MAST4: variants seen among roughly 807,000 people sequenced by gnomAD.
The protein encoded by MAST4 is microtubule associated serine/threonine kinase family member 4.
In MAST4, 89 loss-of-function variants were observed where a neutral mutation model predicts 162.7. That is an observed-to-expected ratio of 0.55 (90% confidence interval 0.46 to 0.65). The LOEUF is 0.65. MAST4 is among the 30% of genes least tolerant of loss of function. The pLI is 0.00. For missense variants in MAST4, 3,153 were observed against 3,374.0 expected, an observed-to-expected ratio of 0.93 and a Z score of 1.62; for synonymous variants, 1,479 against 1,361.1, an observed-to-expected ratio of 1.09 and a Z score of -1.91.
At position 66,951,832 on chromosome 5, in the gene MAST4, A is replaced by G. The variant is rs113543866; in HGVS notation, c.674+51850A>G. ...CTTGTTGGCACTTTCTATGTTATCA[A>G]ACATATCAGATAACCTGTAAGTTTT... is the stretch of plus-strand genomic sequence containing the variant. On this transcript the variant is annotated intron_variant, in intron 4 of 28. Transcript: ENST00000403625. Among the ~76,000 whole-genome samples the G allele has an allele frequency of 2.6e-5, 4 of 152,212 alleles. 1 individual carries two copies. Among genetic ancestry groups the G allele is most frequent in the East Asian group, 1.9e-4 (1 of 5,176 alleles).
rs1415085886 is a variant in MAST4, at chr5:67,169,021, C to T, written c.*1970C>T. The stretch of plus-strand genomic sequence containing the variant: ...TGTAAAAATATATATATATACTTTA[C>T]AAGAGTTTACTAATGGATTTCAAAA... On this transcript the variant is annotated 3_prime_UTR_variant, in exon 29 of 29. Coordinates refer to ENST00000403625, the MANE Select transcript of MAST4 (RefSeq NM_001164664.2). The T allele has an allele frequency of 6.6e-6, 1 of 151,902 alleles. No homozygotes were observed. The highest frequency in any genetic ancestry group is 1.5e-5 in the Non-Finnish European group (1 of 67,998). 9.4% of individuals were successfully genotyped at this position (151,902 alleles called of 1,614,324 possible).
chr5:66,745,657 G>C (rs1420099468), intron 1 of MAST4, among the ~76,000 whole-genome samples: 1 of 152,138 alleles, frequency 6.6e-6, no homozygotes, highest in South Asian at 2.1e-4. Context: ...AATTTATTAG[G>C]TGTTGGACCA....
intron 3 of MAST4, among the ~76,000 whole-genome samples, chr5:66,829,574 G>A (rs1757460412): frequency 6.6e-6 from 1 of 152,058 alleles, no homozygotes; most frequent in South Asian, 2.1e-4. Flanking sequence ...GTTTAAGGAA[G>A]CCAGAACATA....
chr5:67,079,068 G>T (rs1762296269), intron 5 of MAST4, among the ~76,000 whole-genome samples: 1 of 148,808 alleles, frequency 6.7e-6, no homozygotes, highest in African/African-American at 2.5e-5. Flanking sequence ...AGTGTCTTTG[G>T]AGAGCAATTT....
intron 9 of MAST4, among the ~76,000 whole-genome samples, chr5:67,103,369 G>T (rs1765246740): frequency 6.6e-6 from 1 of 152,214 alleles, no homozygotes; most frequent in Non-Finnish European, 1.5e-5. Flanking sequence ...CATAAATCAA[G>T]AGTAGAGTAC....
intron 5 of MAST4, among the ~76,000 whole-genome samples, chr5:67,082,279 G>C (rs771216971): frequency 1.3e-5 from 2 of 151,576 alleles, no homozygotes; most frequent in Non-Finnish European, 2.9e-5. Context: ...CTCCTGAGTA[G>C]CTGGGACTAC....
chr5:66,964,273 G>T (rs893525673), intron 4 of MAST4, among the ~76,000 whole-genome samples: 1 of 152,090 alleles, frequency 6.6e-6, no homozygotes, highest in Admixed American at 6.5e-5. Context: ...CTCATAGGCT[G>T]ATTATATTCA....
At chr5:66,814,636 G>A (rs1294247025) in intron 3 of MAST4, among the ~76,000 whole-genome samples, 1 of 152,186 alleles carries the variant, frequency 6.6e-6, no homozygotes, top group Non-Finnish European at 1.5e-5. Context: ...TCCTTTGCAA[G>A]GGATGGAGGT....
intron 5 of MAST4, among the ~76,000 whole-genome samples, chr5:67,060,111 A>T (rs926559584): frequency 6.6e-6 from 1 of 152,148 alleles, no homozygotes; most frequent in Non-Finnish European, 1.5e-5. Flanking sequence ...TAAACAGAAT[A>T]TCTTCATTAT....
At chr5:66,705,540 C>T (rs1185800966) in intron 1 of MAST4, among the ~76,000 whole-genome samples, 1 of 152,094 alleles carries the variant, frequency 6.6e-6, no homozygotes, top group Non-Finnish European at 1.5e-5. Flanking sequence ...TTTCAGGTTC[C>T]CCTGAGTCTA....
intron 1 of MAST4, among the ~76,000 whole-genome samples, chr5:66,659,357 C>A (rs956938458): frequency 6.6e-6 from 1 of 152,272 alleles, no homozygotes; most frequent in East Asian, 1.9e-4. Flanking sequence ...CATCTGATTT[C>A]GAATCTGTTT....
intron 1 of MAST4, among the ~76,000 whole-genome samples, chr5:66,627,344 T>TA (rs1383489837): frequency 6.6e-6 from 1 of 152,142 alleles, no homozygotes; most frequent in Admixed American, 6.5e-5. Context: ...TTATGGGAAC[T>TA]AAAAGATTAG....
intron 27 of MAST4, among the ~76,000 whole-genome samples, chr5:67,162,244 T>G (rs991564345): frequency 3.3e-5 from 5 of 152,216 alleles, no homozygotes; most frequent in African/African-American, 1.2e-4. Context: ...TATTATCTCT[T>G]AGTTAAGTTG....
intron 1 of MAST4, among the ~76,000 whole-genome samples, chr5:66,642,617 T>C (rs1273240189): frequency 1.3e-5 from 2 of 152,276 alleles, no homozygotes; most frequent in South Asian, 2.1e-4. Flanking sequence ...CGATTTGTAA[T>C]GGAAGCTGGA....
rs544253992 is a variant in MAST4 at position 66,765,509 on chromosome 5, C to T, written c.517+5647C>T. ...ATCGTATCAATATTTATGTTTTTTCCGAATATTTTTGATCCACAGTTCGTT... is the reference window on the plus strand; with the variant it reads ...ATCGTATCAATATTTATGTTTTTTCTGAATATTTTTGATCCACAGTTCGTT... On this transcript the variant is annotated intron_variant, in intron 2 of 28. Coordinates refer to ENST00000403625, the MANE Select transcript of MAST4 (RefSeq NM_001164664.2). 1.1e-4 allele frequency among the ~76,000 whole-genome samples: 17 copies of T among 151,608 alleles called. No homozygotes were observed. In the South Asian group the frequency reaches 1.5e-3, roughly 13 times the overall value.
intron 2 of MAST4, among the ~76,000 whole-genome samples, chr5:66,779,304 A>G (rs1268131132): frequency 6.7e-6 from 1 of 150,176 alleles, no homozygotes; most frequent in Non-Finnish European, 1.5e-5. Flanking sequence ...TGTCAGTTGG[A>G]GATCATTGGT....
chr5:66,767,170 C>CGTGTGTGTGTGT (rs60766673), intron 2 of MAST4, among the ~76,000 whole-genome samples: 45 of 139,562 alleles, frequency 3.2e-4, no homozygotes, highest in African/African-American at 8.4e-4. Flanking sequence ...GTAAAGTGCA[C>CGTGTGTGTGTGT]GTGTGTGTGT....
intron 5 of MAST4, among the ~76,000 whole-genome samples, chr5:67,078,911 A>AATAAATAAATATATATATAATATAT (rs1227485756): frequency 2.6e-5 from 1 of 38,104 alleles, no homozygotes; most frequent in Non-Finnish European, 4.4e-5. Context: ...TTTTTATATA[A>AATAAATAAATATATATATAATATAT]ATATATATAT....
chr5:66,660,676 G>T (rs1183623562), intron 1 of MAST4, among the ~76,000 whole-genome samples: 1 of 152,196 alleles, frequency 6.6e-6, no homozygotes, highest in Non-Finnish European at 1.5e-5. Context: ...TCATTTACAA[G>T]TCAGTAGTTT....
Sources: gnomAD v4.1 joint callset for allele counts (sites outside exome capture counted in the v4.1 genomes callset) on GRCh38, gnomAD v4.1.1 for gene constraint, MANE v1.5 for transcripts, NCBI Gene and HGNC (gene_info 2026-07-23, HGNC 2026-07-21) for gene names.